Variants in TYR observed in about 807,000 individuals in gnomAD.
The protein encoded by TYR is LB24-AB.
A neutral mutation model predicts 51.5 loss-of-function variants in TYR; 58 were observed. That is an observed-to-expected ratio of 1.13 (90% CI 0.91 to 1.40). TYR has a LOEUF of 1.40. Ranked by LOEUF, TYR falls within the 40% of genes most tolerant of loss-of-function variation. The pLI, the probability that TYR is intolerant of heterozygous loss-of-function variation, is 0.00. For missense variants in TYR, 732 were observed against 647.4 expected, an observed-to-expected ratio of 1.13 and a Z score of -1.42; for synonymous variants, 263 against 235.2, an observed-to-expected ratio of 1.12 and a Z score of -1.08.
chr11:89,251,628 A>T (rs888598839), intron 3 of TYR, among the ~76,000 whole-genome samples: 2 of 151,914 alleles, frequency 1.3e-5, no homozygotes, highest in Non-Finnish European at 2.9e-5. Flanking sequence ...AAAGGAAAAA[A>T]GTTTTGTTTC....
At chr11:89,234,006 A>T (rs1247227517) in intron 3 of TYR, among the ~76,000 whole-genome samples, 1 of 143,534 alleles carries the variant, frequency 7.0e-6, no homozygotes, top group Non-Finnish European at 1.5e-5. Flanking sequence ...TCTCCTTAGT[A>T]GCTGTGAAAG....
At chr11:89,252,342 C>T (rs775146294) in intron 3 of TYR, among the ~76,000 whole-genome samples, 2 of 151,646 alleles carry the variant, frequency 1.3e-5, no homozygotes, top group East Asian at 3.9e-4. Flanking sequence ...AGGAAGCTGG[C>T]CTGTACCTTA....
chr11:89,237,435 T>A (rs1944132129), intron 3 of TYR, among the ~76,000 whole-genome samples: 1 of 152,154 alleles, frequency 6.6e-6, no homozygotes. Flanking sequence ...TCCAGTGGTC[T>A]CATCACAATA....
intron 1 of TYR, among the ~76,000 whole-genome samples, chr11:89,187,194 T>C (rs1845015538): frequency 6.6e-6 from 1 of 152,090 alleles, no homozygotes; most frequent in African/African-American, 2.4e-5. Flanking sequence ...TGAATATTGA[T>C]TTCCCTACCC....
In TYR at chr11:89,227,648, T is replaced by C. The variant is rs75375648; in HGVS notation, c.1037-175T>C. Among the ~76,000 whole-genome samples the C allele has an allele frequency of 0.023, 3,481 of 152,270 alleles. 134 individuals are homozygous for C. The highest frequency in any genetic ancestry group is 0.079 in the African/African-American group (3,289 of 41,536). On this transcript the variant is annotated intron_variant, in intron 2 of 4. Transcript: ENST00000263321. ...GGCCATTTAATTCCACAAATATTTA[T>C]TGAATACACACTGGGTATCCAGAAT...
intron 2 of TYR, among the ~76,000 whole-genome samples, chr11:89,218,336 A>G (rs751334046): frequency 6.6e-6 from 1 of 152,216 alleles, no homozygotes; most frequent in Non-Finnish European, 1.5e-5. Context: ...TTTGCAATAT[A>G]CTAGGAATAA....
intron 2 of TYR, among the ~76,000 whole-genome samples, chr11:89,223,276 G>T (rs1448927993): frequency 6.6e-6 from 1 of 152,164 alleles, no homozygotes; most frequent in Non-Finnish European, 1.5e-5. Flanking sequence ...TATTTGAAAA[G>T]CTGGATATAT....
chr11:89,210,011 G>A (rs1247375916), intron 2 of TYR, among the ~76,000 whole-genome samples: 3 of 152,144 alleles, frequency 2.0e-5, no homozygotes, highest in Non-Finnish European at 4.4e-5. Flanking sequence ...AAGATGGGGA[G>A]AAACCAGAGT....
In TYR at chr11:89,209,672, C is replaced by T. The variant is rs564409435; in HGVS notation, c.1037-18151C>T. On this transcript the variant is annotated intron_variant, in intron 2 of 4. Transcript: ENST00000263321. The stretch of plus-strand genomic sequence containing the variant: ...ACGGCCTCCTCAAGTGGGTCCCTGA[C>T]CCCGTGTAGCCTGACTGGGAGACAC... Among the ~76,000 whole-genome samples the T allele has an allele frequency of 1.6e-4, 24 of 152,286 alleles. 1 individual carries two copies. The South Asian group carries it at 5.0e-3, about 32-fold the overall frequency.
intron 3 of TYR, among the ~76,000 whole-genome samples, chr11:89,269,289 G>T (rs1323023261): frequency 1.3e-5 from 2 of 151,908 alleles, no homozygotes; most frequent in African/African-American, 4.8e-5. Flanking sequence ...TTTACACCCA[G>T]CATTGTCTGG....
In TYR at chr11:89,179,879, T is replaced by C. The variant is rs117066406; in HGVS notation, c.819+1107T>C. 1.3e-4 allele frequency among the ~76,000 whole-genome samples: 20 copies of C among 152,372 alleles called. No individual in the cohort carries two copies. The East Asian group carries it at 3.5e-3, about 26-fold the overall frequency. ...TATGTTAAAGGAATGCTTTTCTGCC[T>C]GTCTTCCAAAAATTTCTAATACAGC... On this transcript the variant is annotated intron_variant, in intron 1 of 4. Coordinates refer to ENST00000263321, the MANE Select transcript of TYR (RefSeq NM_000372.5).
intron 2 of TYR, among the ~76,000 whole-genome samples, chr11:89,210,808 A>C (rs560869493): frequency 6.6e-6 from 1 of 152,362 alleles, no homozygotes; most frequent in Non-Finnish European, 1.5e-5. Context: ...GTGGGGGTCA[A>C]TATTCAACAT....
intron 1 of TYR, among the ~76,000 whole-genome samples, chr11:89,186,267 C>A (rs1406096526): frequency 6.6e-6 from 1 of 152,144 alleles, no homozygotes; most frequent in East Asian, 1.9e-4. Context: ...ATGCTCCATG[C>A]TCAGAAGCAG....
chr11:89,185,714 A>T (rs1485069094), intron 1 of TYR, among the ~76,000 whole-genome samples: 2 of 152,108 alleles, frequency 1.3e-5, no homozygotes, highest in Non-Finnish European at 2.9e-5. Flanking sequence ...CCTGAATTTC[A>T]TCTTTTGCTT....
At chr11:89,232,704 T>G (rs1261704085) in intron 3 of TYR, among the ~76,000 whole-genome samples, 1 of 141,744 alleles carries the variant, frequency 7.1e-6, no homozygotes, top group Non-Finnish European at 1.5e-5. Context: ...GATTCTAAAA[T>G]AAAAGTTGAA....
chr11:89,263,618 TA>T (rs1198101450), intron 3 of TYR, among the ~76,000 whole-genome samples: 1 of 152,004 alleles, frequency 6.6e-6, no homozygotes, highest in Admixed American at 6.6e-5. Context: ...AAGCTACAAA[TA>T]AACAGTTTGA....
At chr11:89,211,190 C>T (rs772689184) in intron 2 of TYR, among the ~76,000 whole-genome samples, 35 of 152,054 alleles carry the variant, frequency 2.3e-4, no homozygotes, top group Admixed American at 5.2e-4. Context: ...CAAGACCCAT[C>T]GATGTGCTAT....
At chr11:89,224,498 A>C (rs930166185) in intron 2 of TYR, among the ~76,000 whole-genome samples, 1 of 152,168 alleles carries the variant, frequency 6.6e-6, no homozygotes, top group Non-Finnish European at 1.5e-5. Flanking sequence ...TAGATACACT[A>C]CTGCAGGTTC....
intron 2 of TYR, among the ~76,000 whole-genome samples, chr11:89,217,492 G>A (rs897608269): frequency 1.3e-5 from 2 of 152,102 alleles, no homozygotes; most frequent in Admixed American, 1.3e-4. Flanking sequence ...AGAAATATAT[G>A]GGCCAAGCCT....
Sources: gnomAD v4.1 joint callset for allele counts (sites outside exome capture counted in the v4.1 genomes callset) on GRCh38, gnomAD v4.1.1 for gene constraint, MANE v1.5 for transcripts, NCBI Gene and HGNC (gene_info 2026-07-23, HGNC 2026-07-21) for gene names.